Variants in MOB1B observed in about 807,000 individuals in gnomAD.
The protein encoded by MOB1B is MOB1 Mps One Binder homolog B.
A neutral mutation model predicts 24.4 loss-of-function variants in MOB1B; 19 were observed. The ratio of observed to expected loss-of-function variants is 0.78; its 90% CI spans 0.54 to 1.14. The LOEUF (loss-of-function observed/expected upper bound fraction) is 1.14. Ranked by LOEUF, MOB1B falls within the 50% of genes most tolerant of loss-of-function variation. MOB1B has a pLI of 0.00. For synonymous variants in MOB1B, 76 were observed against 82.1 expected (o/e 0.93, Z 0.40); for missense variants, 243 against 259.6 (o/e 0.94, Z 0.44).
chr4:70,969,805 G>C (rs764084588), intron 2 of MOB1B, 126 bp from the exon 3 acceptor site: 6 of 502,086 alleles, frequency 1.2e-5, no homozygotes, highest in Non-Finnish European at 1.8e-5. Flanking sequence ...ATACTTCTGT[G>C]TATGGTTTTC....
At chr4:70,976,571 A>T (rs763688813) in intron 4 of MOB1B, 30 of 985,166 alleles carry the variant, frequency 3.0e-5, no homozygotes, top group Non-Finnish European at 3.5e-5. Flanking sequence ...TGATTGTCTC[A>T]AAAAGCTAAG....
chr4:70,948,015 ATTTTCTTCTATG>A (rs1737655732), intron 1 of MOB1B, among the ~76,000 whole-genome samples: 1 of 152,064 alleles, frequency 6.6e-6, no homozygotes, highest in African/African-American at 2.4e-5. Flanking sequence ...GGTCACATAG[ATTTTCTTCTATG>A]TTTTCTTCTA....
intron 1 of MOB1B, among the ~76,000 whole-genome samples, chr4:70,913,154 G>A (rs937951790): frequency 1.3e-5 from 2 of 152,090 alleles, no homozygotes; most frequent in Non-Finnish European, 1.5e-5. Flanking sequence ...AACATTCCTC[G>A]CTTTGGGTTT....
Position 70,982,162 on chromosome 4 carries a change from TG to T in MOB1B, c.*110del. 1.3e-6 allele frequency: 1 copy of T among 761,266 alleles called. No individual in the cohort carries two copies. The allele number at this position is 761,266 out of a possible 1,614,324, so 47.2% of individuals were successfully genotyped here. Reference sequence around the variant, plus strand: ...ATCTGGATTGTTTTTGTCCTAGGTTTGGGGGCGGGGGCTTGTTTGGGTTCCT... The same window carrying T: ...ATCTGGATTGTTTTTGTCCTAGGTTTGGGGCGGGGGCTTGTTTGGGTTCCT... On this transcript the variant is annotated 3_prime_UTR_variant, in exon 6 of 6. Transcript: ENST00000309395.
chr4:70,917,430 A>G (rs2148870923), intron 1 of MOB1B, among the ~76,000 whole-genome samples: 1 of 152,344 alleles, frequency 6.6e-6, no homozygotes. Flanking sequence ...GTTCACATCA[A>G]GGACGTCATC....
chr4:70,942,837 T>C (rs1737404495), intron 1 of MOB1B: 1 of 917,442 alleles, frequency 1.1e-6, no homozygotes, highest in Non-Finnish European at 1.3e-6. Flanking sequence ...AAGGTTCATA[T>C]TGTCGGATTA....
At position 70,902,550 on chromosome 4, in the gene MOB1B, T is replaced by G; in HGVS notation, c.14T>G (p.Phe5Cys). ...CCCGCGGCCAACATGAGCTTCTTGT[T>G]GTGAGTAGCCAGGCCCCGCACGCGC... MSFL[F>C]GSRSSKTFKP... Residue 5 changes from phenylalanine (F) to cysteine (C), a missense_variant and splice_region_variant, in exon 1 of 6, where the codon TTT (phenylalanine) becomes TGT (cysteine). Physicochemically the swap from Phe to Cys is radical, Grantham distance 205. Coordinates refer to ENST00000309395, the MANE Select transcript of MOB1B (RefSeq NM_173468.4). 1 of 1,562,956 alleles carries G rather than the reference T, an allele frequency of 6.4e-7. No individual in the cohort carries two copies.
chr4:70,953,177 G>T (rs144212781), intron 1 of MOB1B, among the ~76,000 whole-genome samples: 1,692 of 151,962 alleles, frequency 0.011, 33 homozygotes, highest in African/African-American at 0.039. Flanking sequence ...GACCTTAAGT[G>T]ATCTGCCCGC....
chr4:70,935,062 C>T (rs1737027646), intron 1 of MOB1B, among the ~76,000 whole-genome samples: 1 of 152,142 alleles, frequency 6.6e-6, no homozygotes, highest in Non-Finnish European at 1.5e-5. Context: ...GCTGGGACTA[C>T]AGGTGCAGTG....
At chr4:70,930,656 C>A (rs1445497267) in intron 1 of MOB1B, among the ~76,000 whole-genome samples, 1 of 152,008 alleles carries the variant, frequency 6.6e-6, no homozygotes, top group East Asian at 1.9e-4. Context: ...ATGTGTGAAA[C>A]CCTGGTAGCT....
intron 1 of MOB1B, among the ~76,000 whole-genome samples, chr4:70,952,935 CTTTTTTTTTTTT>C (rs71211985): frequency 4.1e-5 from 3 of 72,308 alleles, no homozygotes; most frequent in South Asian, 5.9e-4. Flanking sequence ...GTCATTTGGT[CTTTTTTTTTTTT>C]TTTTTTTTTT....
chr4:70,915,239 A>G (rs1367807788), intron 1 of MOB1B, among the ~76,000 whole-genome samples: 1 of 152,204 alleles, frequency 6.6e-6, no homozygotes, highest in Non-Finnish European at 1.5e-5. Context: ...GAAGGTAAAC[A>G]AGCATTATTT....
intron 1 of MOB1B, among the ~76,000 whole-genome samples, chr4:70,909,632 A>AG (rs1368840605): frequency 6.6e-6 from 1 of 152,252 alleles, no homozygotes; most frequent in African/African-American, 2.4e-5. Flanking sequence ...AAACTAGCAC[A>AG]GAGAGGTTAC....
intron 1 of MOB1B, among the ~76,000 whole-genome samples, chr4:70,907,095 C>T (rs1264414244): frequency 2.6e-5 from 4 of 152,178 alleles, no homozygotes; most frequent in Non-Finnish European, 4.4e-5. Flanking sequence ...AAGAAATTGC[C>T]TGTGAATTGT....
chr4:70,976,918 A>G (rs115559655), intron 4 of MOB1B, among the ~76,000 whole-genome samples: 2,480 of 152,108 alleles, frequency 0.016, 65 homozygotes, highest in African/African-American at 0.055. Context: ...TGTAAAAAGA[A>G]TCATACAAAC....
chr4:70,939,919 C>G (rs1737262667), intron 1 of MOB1B, among the ~76,000 whole-genome samples: 1 of 152,184 alleles, frequency 6.6e-6, no homozygotes, highest in Non-Finnish European at 1.5e-5. Context: ...GATGGAGGAG[C>G]CAGGGGGAGA....
At chr4:70,912,597 A>G (rs551264192) in intron 1 of MOB1B, among the ~76,000 whole-genome samples, 25 of 151,984 alleles carry the variant, frequency 1.6e-4, no homozygotes, top group African/African-American at 6.0e-4. Flanking sequence ...ATTTTGAAAC[A>G]TTTTTCAACT....
intron 2 of MOB1B, among the ~76,000 whole-genome samples, chr4:70,963,122 A>T (rs933479179): frequency 1.3e-5 from 2 of 152,348 alleles, no homozygotes; most frequent in Admixed American, 6.5e-5. Context: ...ATGGTAAAGG[A>T]CCTGTATCCA....
intron 1 of MOB1B, among the ~76,000 whole-genome samples, chr4:70,931,101 T>G (rs750543526): frequency 3.3e-5 from 5 of 152,126 alleles, no homozygotes; most frequent in Non-Finnish European, 7.4e-5. Context: ...TGTTAGACTT[T>G]GTTTAGAGAA....
Sources: gnomAD v4.1 joint callset for allele counts (sites outside exome capture counted in the v4.1 genomes callset) on GRCh38, gnomAD v4.1.1 for gene constraint, MANE v1.5 for transcripts, NCBI Gene and HGNC (gene_info 2026-07-23, HGNC 2026-07-21) for gene names.